Variants in CNTNAP2 observed in about 807,000 individuals in gnomAD.
CNTNAP2 encodes the protein contactin-associated protein-like 2.
Under a neutral mutation model 155.2 loss-of-function variants are expected in CNTNAP2, and 98 were observed. That is an observed-to-expected ratio of 0.63 (90% CI 0.54 to 0.75). The LOEUF (loss-of-function observed/expected upper bound fraction) is 0.75. Ranked by LOEUF, CNTNAP2 falls within the 30% of genes least tolerant of loss-of-function variation. The pLI, the probability that CNTNAP2 is intolerant of heterozygous loss-of-function variation, is 0.00. For synonymous variants in CNTNAP2, 651 were observed against 631.2 expected, an observed-to-expected ratio of 1.03 and a Z score of -0.47; for missense variants, 1,727 against 1,688.1, an observed-to-expected ratio of 1.02 and a Z score of -0.40.
chr7:147,805,319 T>A (rs1170020494), intron 13 of CNTNAP2, among the ~76,000 whole-genome samples: 1 of 152,186 alleles, frequency 6.6e-6, no homozygotes, highest in East Asian at 1.9e-4. Context: ...GATTAATTAG[T>A]TGCAACTTAA....
intron 1 of CNTNAP2, among the ~76,000 whole-genome samples, chr7:146,422,758 A>C (rs1796030892): frequency 6.6e-6 from 1 of 152,138 alleles, no homozygotes; most frequent in Non-Finnish European, 1.5e-5. Flanking sequence ...AAGTGCTGGA[A>C]TTGCTGACCT....
chr7:146,260,113 G>A (rs563712075), intron 1 of CNTNAP2, among the ~76,000 whole-genome samples: 1 of 152,344 alleles, frequency 6.6e-6, no homozygotes, highest in East Asian at 1.9e-4. Flanking sequence ...CAAGCCCCAA[G>A]CCTTGGCAGC....
At chr7:147,462,114 C>A (rs988312805) in intron 10 of CNTNAP2, among the ~76,000 whole-genome samples, 1 of 152,076 alleles carries the variant, frequency 6.6e-6, no homozygotes, top group African/African-American at 2.4e-5. Flanking sequence ...ATATTCTTAA[C>A]CCTCATCCAC....
intron 4 of CNTNAP2, among the ~76,000 whole-genome samples, chr7:147,053,225 G>T (rs1288158426): frequency 1.3e-5 from 2 of 152,078 alleles, no homozygotes; most frequent in Admixed American, 6.6e-5. Context: ...ATACTCAGTG[G>T]ATCTCATTCC....
At chr7:146,293,902 A>C (rs908561210) in intron 1 of CNTNAP2, among the ~76,000 whole-genome samples, 1 of 152,100 alleles carries the variant, frequency 6.6e-6, no homozygotes, top group Non-Finnish European at 1.5e-5. Flanking sequence ...CCTTTTCTCT[A>C]CTCATTTAAA....
At chr7:147,630,751 A>G (rs957079302) in intron 12 of CNTNAP2, among the ~76,000 whole-genome samples, 3 of 152,196 alleles carry the variant, frequency 2.0e-5, no homozygotes, top group African/African-American at 7.2e-5. Context: ...ATGCAGAAAA[A>G]GCATTTGACA....
Position 148,225,308 on chromosome 7 carries a change from G to A in CNTNAP2, c.3248-4338G>A, listed in dbSNP as rs76157454. On this transcript the variant is annotated intron_variant, in intron 19 of 23. Transcript: ENST00000361727. ...GAGGGTAAATTCCACTTTTAATGAG[G>A]AAGTCACAGAAATGATCACTGAGAA... is the stretch of plus-strand genomic sequence containing the variant. 6.3e-3 allele frequency among the ~76,000 whole-genome samples: 962 copies of A among 152,254 alleles called. 8 individuals carry two copies. The highest frequency in any genetic ancestry group is 0.022 in the African/African-American group (926 of 41,540).
chr7:146,942,638 C>T (rs1480053400), intron 3 of CNTNAP2, among the ~76,000 whole-genome samples: 4 of 152,222 alleles, frequency 2.6e-5, no homozygotes, highest in Middle Eastern at 3.4e-3. Context: ...ACTGAAAAGA[C>T]ACAGGAGTGG....
intron 13 of CNTNAP2, among the ~76,000 whole-genome samples, chr7:147,743,648 C>G (rs2116490867): frequency 6.6e-6 from 1 of 152,032 alleles, no homozygotes. Flanking sequence ...TCTTCTCCCA[C>G]TTAGTTGAGT....
At position 147,644,321 on chromosome 7, in the gene CNTNAP2, C is replaced by A. The variant is rs997531209; in HGVS notation, c.2098+5015C>A. Among the ~76,000 whole-genome samples the A allele has an allele frequency of 3.6e-4, 55 of 152,014 alleles. 1 individual carries two copies. The highest frequency in any genetic ancestry group is 1.3e-3 in the African/African-American group (53 of 41,398). ...GTGAAATCTACTTCTCAAATAAGTA[C>A]CATAAGAACTTGAATTTGGCCGGGT... On this transcript the variant is annotated intron_variant, in intron 13 of 23. Coordinates refer to ENST00000361727, the MANE Select transcript of CNTNAP2 (RefSeq NM_014141.6).
At chr7:146,973,709 T>G (rs2129234341) in intron 3 of CNTNAP2, among the ~76,000 whole-genome samples, 1 of 152,294 alleles carries the variant, frequency 6.6e-6, no homozygotes, top group African/African-American at 2.4e-5. Flanking sequence ...AAAATTATAG[T>G]TAATATGAAT....
intron 11 of CNTNAP2, among the ~76,000 whole-genome samples, chr7:147,543,717 A>G (rs1318273071): frequency 6.6e-6 from 1 of 152,174 alleles, no homozygotes; most frequent in Non-Finnish European, 1.5e-5. Flanking sequence ...ATTTATATGA[A>G]GCTTAACCCT....
intron 1 of CNTNAP2, among the ~76,000 whole-genome samples, chr7:146,411,845 TA>T (rs144024839): frequency 0.31 from 45,410 of 147,158 alleles, 7,040 homozygotes; most frequent in Admixed American, 0.43. Context: ...TTTATTTATT[TA>T]TTTTATTTGA....
At chr7:147,849,330 CATT>C (rs1304501363) in intron 13 of CNTNAP2, among the ~76,000 whole-genome samples, 2 of 152,132 alleles carry the variant, frequency 1.3e-5, no homozygotes, top group Non-Finnish European at 2.9e-5. Context: ...TTCTCAGCAT[CATT>C]GTTTGTAGGG....
At chr7:147,949,515 T>C (rs960544610) in intron 14 of CNTNAP2, among the ~76,000 whole-genome samples, 2 of 151,452 alleles carry the variant, frequency 1.3e-5, no homozygotes, top group African/African-American at 4.8e-5. Context: ...GCTATAATCC[T>C]GACTGGCTCA....
At chr7:148,356,968 T>G (rs1203007739) in intron 21 of CNTNAP2, among the ~76,000 whole-genome samples, 2 of 152,100 alleles carry the variant, frequency 1.3e-5, no homozygotes, top group Non-Finnish European at 2.9e-5. Flanking sequence ...AAGTGTAAAC[T>G]GATTTGAAGC....
chr7:146,864,715 C>T (rs760093440), intron 3 of CNTNAP2, among the ~76,000 whole-genome samples: 13 of 152,056 alleles, frequency 8.5e-5, no homozygotes, highest in South Asian at 2.1e-4. Context: ...TCAGGCTGGG[C>T]GCGGTGGCTC....
rs115887384 is a variant in CNTNAP2 at position 148,005,691 on chromosome 7, A to G, written c.2383+27702A>G. On this transcript the variant is annotated intron_variant, in intron 15 of 23. Coordinates refer to ENST00000361727, the MANE Select transcript of CNTNAP2 (RefSeq NM_014141.6). ...GTCTTCCCTCCAAAAGCTCAATCTTATTTTAGAAATATATGATCCATGAGG... is the reference window on the plus strand; with the variant it reads ...GTCTTCCCTCCAAAAGCTCAATCTTGTTTTAGAAATATATGATCCATGAGG... Among the ~76,000 whole-genome samples, 335 of 152,274 alleles carry G rather than the reference A, an allele frequency of 2.2e-3. 2 individuals are homozygous for G. Among genetic ancestry groups the G allele is most frequent in the African/African-American group, 7.7e-3 (319 of 41,554 alleles).
At chr7:148,310,577 G>C (rs558926408) in intron 21 of CNTNAP2, among the ~76,000 whole-genome samples, 1 of 152,178 alleles carries the variant, frequency 6.6e-6, no homozygotes, top group East Asian at 1.9e-4. Flanking sequence ...CTTTTTTGTC[G>C]TGTCGGTGTC....
Sources: allele counts gnomAD v4.1 joint callset (sites outside exome capture counted in the v4.1 genomes callset), GRCh38; gene constraint gnomAD v4.1.1; transcripts MANE v1.5; gene names NCBI Gene and HGNC (gene_info 2026-07-23, HGNC 2026-07-21).